EYA2: variants seen among roughly 807,000 people sequenced by gnomAD.
EYA2 encodes protein phosphatase EYA2.
A neutral mutation model predicts 69.2 loss-of-function variants in EYA2; 31 were observed. The observed-to-expected ratio is 0.45, with a 90% CI of 0.34 to 0.60. The LOEUF is 0.60. Ranked by LOEUF, EYA2 falls within the 20% of genes least tolerant of loss-of-function variation. The pLI is 0.02. For synonymous variants in EYA2, 257 were observed against 279.4 expected (o/e 0.92, Z 0.80); for missense variants, 622 against 701.2 (o/e 0.89, Z 1.28).
chr20:47,072,064 C>T (rs1032655114), intron 5 of EYA2, 121 bp from the exon 6 acceptor site: 24 of 878,544 alleles, frequency 2.7e-5, no homozygotes, highest in African/African-American at 6.6e-5. Flanking sequence ...GGAACCAGAG[C>T]TTCTGCCCAG....
At chr20:47,022,215 G>A (rs985855448) in intron 5 of EYA2, among the ~76,000 whole-genome samples, 3 of 152,146 alleles carry the variant, frequency 2.0e-5, no homozygotes, top group African/African-American at 7.2e-5. Context: ...AGAAGCCCTG[G>A]ATGTCATGAT....
At chr20:46,988,633 T>C (rs941752771) in intron 1 of EYA2, among the ~76,000 whole-genome samples, 2 of 152,184 alleles carry the variant, frequency 1.3e-5, no homozygotes, top group African/African-American at 4.8e-5. Flanking sequence ...CCTTGGAAAA[T>C]TGCTACGCCA....
intron 9 of EYA2, among the ~76,000 whole-genome samples, chr20:47,126,785 A>T (rs1200165647): frequency 6.6e-6 from 1 of 152,132 alleles, no homozygotes; most frequent in Non-Finnish European, 1.5e-5. Flanking sequence ...TGACGTCTGG[A>T]GACATTTTTG....
chr20:47,185,401 A>T (rs2868848), intron 15 of EYA2, among the ~76,000 whole-genome samples: 55,213 of 148,010 alleles, frequency 0.37, 11,371 homozygotes, highest in Non-Finnish European at 0.48. Flanking sequence ...CCCAGGTTCA[A>T]GCGATTCTTG....
chr20:47,057,139 GAGGAAGGAAGGAAGGAAGGAAGGAAGGA>G (rs61126274), intron 5 of EYA2, among the ~76,000 whole-genome samples: 2 of 129,090 alleles, frequency 1.5e-5, no homozygotes, highest in Non-Finnish European at 3.2e-5. Context: ...AGGAAGGAGG[GAGGAAGGAAGGAAGGAAGGAAGGAAGGA>G]AGGAAGGAAG....
intron 5 of EYA2, among the ~76,000 whole-genome samples, chr20:47,037,475 C>G (rs1408153888): frequency 1.3e-5 from 2 of 152,216 alleles, no homozygotes; most frequent in Non-Finnish European, 2.9e-5. Context: ...TCCATGACTT[C>G]TATAACAAAT....
chr20:47,044,856 A>G (rs1197925980), intron 5 of EYA2, among the ~76,000 whole-genome samples: 1 of 152,216 alleles, frequency 6.6e-6, no homozygotes, highest in Non-Finnish European at 1.5e-5. Context: ...GGACTGAGAC[A>G]CTGCCAAGGA....
intron 5 of EYA2, among the ~76,000 whole-genome samples, chr20:47,051,278 G>T (rs1214554902): frequency 6.6e-6 from 1 of 152,236 alleles, no homozygotes; most frequent in Non-Finnish European, 1.5e-5. Context: ...CCCATAGGCG[G>T]CCATCTGCTG....
At chr20:46,959,599 G>A (rs570675946) in intron 1 of EYA2, among the ~76,000 whole-genome samples, 13 of 152,198 alleles carry the variant, frequency 8.5e-5, no homozygotes, top group South Asian at 6.2e-4. Flanking sequence ...TCACTCTGCC[G>A]TTGGCATCCC....
chr20:46,929,209 C>T (rs1985554424), intron 1 of EYA2, among the ~76,000 whole-genome samples: 1 of 147,670 alleles, frequency 6.8e-6, no homozygotes, highest in Non-Finnish European at 1.5e-5. Flanking sequence ...TTTCCTGAAA[C>T]CTGGAAGGAG....
At chr20:47,092,498 G>C (rs781068580) in intron 8 of EYA2, among the ~76,000 whole-genome samples, 3 of 152,130 alleles carry the variant, frequency 2.0e-5, no homozygotes, top group Admixed American at 1.3e-4. Flanking sequence ...TCTCCTACCA[G>C]CTTGAAGTTG....
intron 5 of EYA2, among the ~76,000 whole-genome samples, chr20:47,027,569 T>C (rs903202248): frequency 2.0e-5 from 3 of 152,204 alleles, no homozygotes; most frequent in African/African-American, 7.2e-5. Flanking sequence ...GGAGGGTCTT[T>C]CCTCTAGTTA....
intron 15 of EYA2, among the ~76,000 whole-genome samples, chr20:47,186,348 C>CTTT (rs765874138): frequency 3.7e-4 from 27 of 72,316 alleles, no homozygotes; most frequent in Non-Finnish European, 5.7e-4. Context: ...AGCACTTATT[C>CTTT]TTTTTTTTTT....
intron 1 of EYA2, among the ~76,000 whole-genome samples, chr20:46,951,494 A>G (rs1028858073): frequency 1.3e-5 from 2 of 152,144 alleles, no homozygotes; most frequent in Non-Finnish European, 2.9e-5. Flanking sequence ...TACCAGTTAT[A>G]ACCTACATCC....
intron 10 of EYA2, among the ~76,000 whole-genome samples, chr20:47,147,750 G>A (rs574124823): frequency 2.0e-5 from 3 of 152,152 alleles, no homozygotes; most frequent in Non-Finnish European, 2.9e-5. Context: ...GAAAGAATCT[G>A]TGGGGTTTAA....
At chr20:47,063,430 T>TGTGTGTGTGTGTGTGTGTG (rs1600680839) in intron 5 of EYA2, among the ~76,000 whole-genome samples, 2 of 145,186 alleles carry the variant, frequency 1.4e-5, no homozygotes, top group East Asian at 2.0e-4. Flanking sequence ...TGTGTGTGTG[T>TGTGTGTGTGTGTGTGTGTG]TTTGAGACAG....
chr20:46,895,402 G>C (rs1416039134), intron 1 of EYA2, among the ~76,000 whole-genome samples: 1 of 152,256 alleles, frequency 6.6e-6, no homozygotes, highest in Non-Finnish European at 1.5e-5. Flanking sequence ...CCCTCAGGTA[G>C]TGTTTATGGG....
At chr20:47,129,869 T>C (rs1181212608) in intron 9 of EYA2, among the ~76,000 whole-genome samples, 5 of 152,190 alleles carry the variant, frequency 3.3e-5, no homozygotes, top group African/African-American at 7.2e-5. Context: ...ATAAGAATTA[T>C]TATTTTGGGG....
At chr20:46,946,540 T>G (rs1475705617) in intron 1 of EYA2, among the ~76,000 whole-genome samples, 3 of 152,194 alleles carry the variant, frequency 2.0e-5, no homozygotes, top group Non-Finnish European at 4.4e-5. Context: ...ATTACCATCA[T>G]TTGAACATGA....
Sources: allele counts gnomAD v4.1 joint callset (sites outside exome capture counted in the v4.1 genomes callset), GRCh38; gene constraint gnomAD v4.1.1; transcripts MANE v1.5; gene names NCBI Gene and HGNC (gene_info 2026-07-23, HGNC 2026-07-21).